Variants in CHSY3 observed in about 807,000 individuals in gnomAD.
CHSY3 encodes N-acetylgalactosaminyl-proteoglycan 3-beta-glucuronosyltransferase 3.
CHSY3 carries 35 observed loss-of-function variants against 67.2 expected under a neutral mutation model. The ratio of observed to expected loss-of-function variants is 0.52; its 90% confidence interval spans 0.40 to 0.69. The LOEUF (loss-of-function observed/expected upper bound fraction) is 0.69, where lower values mean the gene tolerates loss of function less well. Ranked by LOEUF, CHSY3 falls within the 30% of genes least tolerant of loss-of-function variation. CHSY3 has a pLI of 0.00. For synonymous variants in CHSY3, 474 were observed against 434.7 expected (o/e 1.09, Z -1.12); for missense variants, 1,069 against 1,138.5 (o/e 0.94, Z 0.88).
At chr5:130,089,356 G>A (rs1055397244) in intron 2 of CHSY3, among the ~76,000 whole-genome samples, 9 of 151,266 alleles carry the variant, frequency 5.9e-5, no homozygotes, top group East Asian at 3.9e-4. Context: ...CATGTACCCT[G>A]AAACTTAAAG....
intron 2 of CHSY3, among the ~76,000 whole-genome samples, chr5:130,069,568 C>T (rs1765994643): frequency 6.6e-6 from 1 of 151,858 alleles, no homozygotes; most frequent in Non-Finnish European, 1.5e-5. Context: ...TTTGACATGC[C>T]ATGGCCTATT....
intron 2 of CHSY3, among the ~76,000 whole-genome samples, chr5:129,994,911 G>T (rs1266233421): frequency 6.6e-6 from 1 of 151,248 alleles, no homozygotes; most frequent in Non-Finnish European, 1.5e-5. Flanking sequence ...GTGGGGGGAT[G>T]GGGGAGGGAT....
chr5:130,169,699 A>AC (rs1225543238), intron 2 of CHSY3, among the ~76,000 whole-genome samples: 2 of 151,668 alleles, frequency 1.3e-5, no homozygotes, highest in African/African-American at 4.8e-5. Context: ...GAAAAAAAAA[A>AC]AACAGTAATT....
intron 2 of CHSY3, among the ~76,000 whole-genome samples, chr5:130,016,818 G>T (rs779002570): frequency 1.3e-5 from 2 of 152,220 alleles, no homozygotes; most frequent in African/African-American, 4.8e-5. Context: ...TGTTATATTA[G>T]ATCTAGAATT....
At chr5:130,080,308 T>C (rs925823214) in intron 2 of CHSY3, among the ~76,000 whole-genome samples, 1 of 152,078 alleles carries the variant, frequency 6.6e-6, no homozygotes, top group Non-Finnish European at 1.5e-5. Context: ...GCTCCTGTAA[T>C]TATTCTGCCC....
chr5:130,158,903 C>A (rs191657638), intron 2 of CHSY3, among the ~76,000 whole-genome samples: 2 of 151,806 alleles, frequency 1.3e-5, no homozygotes, highest in South Asian at 2.1e-4. Flanking sequence ...AGGGCTCAGG[C>A]GATCTTTTCA....
chr5:129,971,461 A>T (rs1762638598), intron 2 of CHSY3, among the ~76,000 whole-genome samples: 1 of 151,920 alleles, frequency 6.6e-6, no homozygotes, highest in Non-Finnish European at 1.5e-5. Context: ...TTACATCAGA[A>T]TGCTATGTAC....
intron 2 of CHSY3, among the ~76,000 whole-genome samples, chr5:130,094,927 AG>A (rs762723011): frequency 1.1e-4 from 16 of 152,184 alleles, no homozygotes; most frequent in Non-Finnish European, 2.4e-4. Context: ...TTGAACAAAT[AG>A]CTATTATATC....
intron 2 of CHSY3, among the ~76,000 whole-genome samples, chr5:129,946,269 A>C (rs1761852939): frequency 6.6e-6 from 1 of 152,192 alleles, no homozygotes; most frequent in Non-Finnish European, 1.5e-5. Context: ...GAATACTTTT[A>C]AGGTCAGATT....
chr5:130,156,190 C>A lies in CHSY3; in HGVS notation c.1087-28039C>A, dbSNP rs373333587. Among the ~76,000 whole-genome samples the A allele has an allele frequency of 2.1e-3, 321 of 152,214 alleles. 5 individuals carry two copies. In the South Asian group the frequency reaches 0.035, roughly 17 times the overall value. The stretch of plus-strand genomic sequence containing the variant: ...ATATCCTCCACCTTTTAAAGAGAGA[C>A]GTTCAAGTTACTGCTTATTTCTAAC... On this transcript the variant is annotated intron_variant, in intron 2 of 2. Transcript: ENST00000305031.
At chr5:130,087,119 C>T (rs1371851180) in intron 2 of CHSY3, among the ~76,000 whole-genome samples, 7 of 152,136 alleles carry the variant, frequency 4.6e-5, no homozygotes, top group African/African-American at 1.7e-4. Context: ...ACAAAAACCA[C>T]ATGATTATCT....
chr5:129,905,231 C>A lies in CHSY3; in HGVS notation c.402C>A (p.Pro134=). 6.7e-7 allele frequency: 1 copy of A among 1,493,422 alleles called. No homozygotes were observed. Among genetic ancestry groups the A allele is most frequent in the East Asian group, 2.6e-5 (1 of 38,664 alleles). 92.5% of individuals were successfully genotyped at this position (1,493,422 alleles called of 1,614,324 possible). ...GTGCTCCAGCGGCCGAGGGGGAGCCCGAGGAGGAGGACGGGGGCGCGGCTG... is the reference window on the plus strand; with the variant it reads ...GTGCTCCAGCGGCCGAGGGGGAGCCAGAGGAGGAGGACGGGGGCGCGGCTG... The part of the protein sequence containing the change: ...LPGAPAAEGE[P]EEEDGGAAGQ... The change falls in exon 1 of 3, where the codon CCC becomes CCA. Residue 134 remains proline, a synonymous_variant. Transcript: ENST00000305031.
At chr5:130,128,151 C>G (rs976176371) in intron 2 of CHSY3, among the ~76,000 whole-genome samples, 1 of 151,406 alleles carries the variant, frequency 6.6e-6, no homozygotes, top group African/African-American at 2.4e-5. Context: ...ACAAATATAT[C>G]TCCTTCAAAA....
rs543267163 is a variant in CHSY3, at chr5:130,016,177, T to C, written c.1086+107817T>C. Among the ~76,000 whole-genome samples, 17 of 152,274 alleles carry C rather than the reference T, an allele frequency of 1.1e-4. No individual in the cohort carries two copies. In the South Asian group the frequency reaches 2.9e-3, roughly 26 times the overall value. ...GGAGTAATTTTACACCAAACCCCAA[T>C]GTCACACAATTCACCCATGTAACAA... On this transcript the variant is annotated intron_variant, in intron 2 of 2. Transcript: ENST00000305031.
chr5:129,925,668 C>A (rs986231583), intron 2 of CHSY3, among the ~76,000 whole-genome samples: 3 of 152,014 alleles, frequency 2.0e-5, no homozygotes, highest in Admixed American at 6.6e-5. Flanking sequence ...CTGTCTTGAA[C>A]TTATTTCTCC....
At chr5:130,177,902 GA>G (rs1486315681) in intron 2 of CHSY3, among the ~76,000 whole-genome samples, 1 of 151,792 alleles carries the variant, frequency 6.6e-6, no homozygotes, top group Non-Finnish European at 1.5e-5. Context: ...TGGATCTCCT[GA>G]ACTGTTCCTT....
chr5:130,025,915 T>C (rs1375783394), intron 2 of CHSY3, among the ~76,000 whole-genome samples: 2 of 152,166 alleles, frequency 1.3e-5, no homozygotes, highest in Non-Finnish European at 2.9e-5. Flanking sequence ...CGTAATTCGT[T>C]TTGACCACCA....
chr5:129,910,150 C>A (rs1245869131), intron 2 of CHSY3, among the ~76,000 whole-genome samples: 2 of 151,808 alleles, frequency 1.3e-5, no homozygotes, highest in Admixed American at 6.6e-5. Flanking sequence ...TAGATGTGCA[C>A]CCTGTCTATT....
chr5:130,022,858 G>A (rs543147789), intron 2 of CHSY3, among the ~76,000 whole-genome samples: 1 of 151,974 alleles, frequency 6.6e-6, no homozygotes, highest in South Asian at 2.1e-4. Context: ...GCTTTTGTGT[G>A]TTCAGTTTTC....
Sources: gnomAD v4.1 joint callset for allele counts (sites outside exome capture counted in the v4.1 genomes callset) on GRCh38, gnomAD v4.1.1 for gene constraint, MANE v1.5 for transcripts, NCBI Gene and HGNC (gene_info 2026-07-23, HGNC 2026-07-21) for gene names.